Variants in KIAA0319 observed in about 807,000 individuals in gnomAD.
The protein encoded by KIAA0319 is dyslexia-associated protein KIAA0319.
In KIAA0319, 83 loss-of-function variants were observed where a neutral mutation model predicts 108.4. The ratio of observed to expected loss-of-function variants is 0.77; its 90% CI spans 0.64 to 0.92. The LOEUF is 0.92. Ranked by LOEUF, KIAA0319 falls within the 40% of genes least tolerant of loss-of-function variation. The pLI is 0.00. For synonymous variants in KIAA0319, 484 were observed against 510.4 expected (o/e 0.95, Z 0.70); for missense variants, 1,195 against 1,322.4 (o/e 0.90, Z 1.49).
At chr6:24,547,382 T>G in intron 20 of KIAA0319, 39 bp from the exon 21 acceptor site, 1 of 1,565,752 alleles carries the variant, frequency 6.4e-7, no homozygotes, top group Non-Finnish European at 8.8e-7. Flanking sequence ...AGGAACGCCG[T>G]GATTCACTTC....
chr6:24,610,049 C>A (rs1350384052), intron 1 of KIAA0319, among the ~76,000 whole-genome samples: 1 of 151,820 alleles, frequency 6.6e-6, no homozygotes, highest in South Asian at 2.1e-4. Context: ...AAATATGACA[C>A]CAAAAGGACA....
intron 17 of KIAA0319, among the ~76,000 whole-genome samples, chr6:24,558,365 C>CTACA (rs372256630): frequency 0.02 from 2,978 of 150,888 alleles, 70 homozygotes; most frequent in African/African-American, 0.065. Context: ...ATATATATAT[C>CTACA]TAGATAGATA....
At chr6:24,562,187 T>G (rs1164155929) in intron 16 of KIAA0319, among the ~76,000 whole-genome samples, 2 of 152,248 alleles carry the variant, frequency 1.3e-5, no homozygotes, top group African/African-American at 4.8e-5. Flanking sequence ...ATGCCTAATT[T>G]TAGTAGTATG....
intron 19 of KIAA0319, among the ~76,000 whole-genome samples, chr6:24,553,910 T>C (rs1362945979): frequency 6.6e-6 from 1 of 152,248 alleles, no homozygotes; most frequent in African/African-American, 2.4e-5. Context: ...TCTGTATCCC[T>C]TGTAATATCC....
chr6:24,639,278 G>T (rs80021127), intron 1 of KIAA0319, among the ~76,000 whole-genome samples: 1 of 152,128 alleles, frequency 6.6e-6, no homozygotes, highest in South Asian at 2.1e-4. Flanking sequence ...AGCCAGAGAC[G>T]AAAGACAGAT....
At chr6:24,575,003 A>C (rs1381309668) in intron 10 of KIAA0319, among the ~76,000 whole-genome samples, 1 of 152,226 alleles carries the variant, frequency 6.6e-6, no homozygotes, top group Non-Finnish European at 1.5e-5. Flanking sequence ...CAAGGCGGCC[A>C]CATGTTTCAG....
At chr6:24,642,813 G>A (rs1041688352) in intron 1 of KIAA0319, among the ~76,000 whole-genome samples, 17 of 152,054 alleles carry the variant, frequency 1.1e-4, no homozygotes, top group African/African-American at 4.1e-4. Context: ...CCGCCTCCCG[G>A]AGTTCAAGTG....
chr6:24,574,064 A>AT (rs1765123612), intron 10 of KIAA0319, among the ~76,000 whole-genome samples: 1 of 152,160 alleles, frequency 6.6e-6, no homozygotes, highest in African/African-American at 2.4e-5. Context: ...GCAGTGAGCC[A>AT]AGATGGTGCC....
At chr6:24,621,505 T>C (rs2127570980) in intron 1 of KIAA0319, among the ~76,000 whole-genome samples, 1 of 152,246 alleles carries the variant, frequency 6.6e-6, no homozygotes, top group East Asian at 1.9e-4. Context: ...GGGAGGAAAT[T>C]GGCATCATTA....
At chr6:24,613,672 T>A in intron 1 of KIAA0319, among the ~76,000 whole-genome samples, 1 of 144,370 alleles carries the variant, frequency 6.9e-6, no homozygotes. Context: ...AGGCAGATCA[T>A]TTGAGGGAAA....
chr6:24,593,485 C>T (rs758687293), intron 3 of KIAA0319, among the ~76,000 whole-genome samples: 45 of 150,472 alleles, frequency 3.0e-4, no homozygotes, highest in Admixed American at 2.9e-3. Context: ...CTGCACCTCC[C>T]GGGTTCACGC....
intron 1 of KIAA0319, among the ~76,000 whole-genome samples, chr6:24,614,555 A>C (rs549489598): frequency 6.6e-6 from 1 of 150,656 alleles, no homozygotes; most frequent in East Asian, 1.9e-4. Context: ...ATCCTTCGGG[A>C]AAAAAAAACA....
Position 24,599,411 on chromosome 6 carries a change from G to A in KIAA0319, c.55+1638C>T. On this transcript the variant is annotated intron_variant, in intron 2 of 20. Transcript: ENST00000378214. This position sits in a 1 kb window ranked among gnomAD's most constrained non-coding sequence, Gnocchi z 4.1. The stretch of plus-strand genomic sequence containing the variant: ...CCATTAAGGATGCCAATGCCAAGCT[G>A]TCCAAGCTGGAGGCCACCCTGCAGT... The A allele has an allele frequency of 1.8e-6, 1 of 549,966 alleles. No homozygotes were observed. Among genetic ancestry groups the A allele is most frequent in the East Asian group, 4.3e-5 (1 of 23,284 alleles). 34.1% of individuals were successfully genotyped at this position (549,966 alleles called of 1,614,324 possible). A position where few individuals can be genotyped will look rare whatever the true frequency, so the allele number is the denominator to read the frequency against.
intron 13 of KIAA0319, 140 bp downstream of exon 13, chr6:24,568,641 T>C: frequency 1.2e-6 from 1 of 806,566 alleles, no homozygotes; most frequent in Non-Finnish European, 1.9e-6. Context: ...AGTTGGCTTT[T>C]TTTCAGCCAG....
chr6:24,596,081 G>C lies in KIAA0319; in HGVS notation c.593C>G (p.Ser198Cys). 1 of 1,614,064 alleles carries C rather than the reference G, an allele frequency of 6.2e-7. No individual in the cohort carries two copies. The highest frequency in any genetic ancestry group is 8.5e-7 in the Non-Finnish European group (1 of 1,179,950). Residue 198 changes from serine (S) to cysteine (C), a missense_variant, in exon 3 of 21, where the codon TCT (serine) becomes TGT (cysteine). Coordinates refer to ENST00000378214, the MANE Select transcript of KIAA0319 (RefSeq NM_014809.4). ...LPGSEGAFNS[S>C]VGDSPAVPAE... ...TGGCACCGCAGGACTGTCTCCAACA[G>C]AGGAGTTGAAGGCCCCCTCGCTGCC...
chr6:24,553,270 G>GATATATATAT (rs1341452189), intron 19 of KIAA0319, among the ~76,000 whole-genome samples: 41 of 105,788 alleles, frequency 3.9e-4, no homozygotes, highest in Middle Eastern at 4.5e-3. Flanking sequence ...GTACTTGTGA[G>GATATATATAT]ATAGATATAT....
Position 24,595,973 on chromosome 6 carries a change from A to C in KIAA0319, c.701T>G (p.Val234Gly). Residue 234 changes from valine to glycine, a missense_variant, in exon 3 of 21, where the codon GTG becomes GGG. Physicochemically the swap from Val to Gly is moderately radical, Grantham distance 109. Transcript: ENST00000378214. ...TGGAGTAGTCGGCAAGGGAAGCAAC[A>C]CACTTCTCTCAGGGAGTTTTGGGGC... ...TPAPKLPERS[V>G]LLPLPTTPSS... The C allele has an allele frequency of 2.5e-6, 4 of 1,614,158 alleles. No homozygotes were observed. Among genetic ancestry groups the C allele is most frequent in the Non-Finnish European group, 3.4e-6 (4 of 1,180,034 alleles).
At chr6:24,584,585 T>G (rs1177057931) in intron 4 of KIAA0319, among the ~76,000 whole-genome samples, 1 of 152,126 alleles carries the variant, frequency 6.6e-6, no homozygotes, top group Non-Finnish European at 1.5e-5. Context: ...TCAGTGGCTT[T>G]GCTGGCTCCT....
Position 24,564,217 on chromosome 6 carries a change from CAGTGGCAG to C in KIAA0319, c.2408_2415del (p.Thr803SerfsTer8), listed in dbSNP as rs771881910. ...AGGAACTCACCTGGCTGCACTTCCA[CAGTGGCAG>C]TGTCTGTGTCCGAGGCCCCCTGACT... On this transcript the variant is annotated frameshift_variant, in exon 15 of 21. Transcript: ENST00000378214. LOFTEE classifies it high-confidence loss of function. 6.2e-7 allele frequency: 1 copy of C among 1,614,142 alleles called. No homozygotes were observed. The highest frequency in any genetic ancestry group is 1.1e-5 in the South Asian group (1 of 91,084).
Sources: allele counts gnomAD v4.1 joint callset (sites outside exome capture counted in the v4.1 genomes callset), GRCh38; gene constraint gnomAD v4.1.1; non-coding constraint Gnocchi (gnomAD v3.1); transcripts MANE v1.5; gene names NCBI Gene and HGNC (gene_info 2026-07-23, HGNC 2026-07-21).